MYO3A: variants seen among roughly 807,000 people sequenced by gnomAD.
The protein encoded by MYO3A is myosin IIIA, also known as myosin-IIIa.
Under a neutral mutation model 192.7 loss-of-function variants are expected in MYO3A, and 180 were observed. The ratio of observed to expected loss-of-function variants is 0.93; its 90% confidence interval spans 0.83 to 1.06. The LOEUF (loss-of-function observed/expected upper bound fraction) is 1.06. Ranked by LOEUF, MYO3A falls within the 50% of genes least tolerant of loss-of-function variation. MYO3A has a pLI of 0.00. For synonymous variants in MYO3A, 628 were observed against 645.3 expected, an observed-to-expected ratio of 0.97 and a Z score of 0.41; for missense variants, 1,896 against 1,905.0, an observed-to-expected ratio of 1.00 and a Z score of 0.09.
chr10:26,160,838 C>T (rs1312428236), intron 26 of MYO3A, among the ~76,000 whole-genome samples: 21 of 152,010 alleles, frequency 1.4e-4, no homozygotes, highest in Admixed American at 1.4e-3. Context: ...TATGAAAAAA[C>T]AATTGTGTTA....
chr10:26,128,371 T>C lies in MYO3A; in HGVS notation c.2115-20T>C. 1 of 1,609,808 alleles carries C rather than the reference T, an allele frequency of 6.2e-7. No homozygotes were observed. The highest frequency in any genetic ancestry group is 8.5e-7 in the Non-Finnish European group (1 of 1,176,368). ...CTCTTCAGGAAATAACTCAAAATAATGCCTCTTCAATTCTTCTAGTGGGAA... is the reference window on the plus strand; with the variant it reads ...CTCTTCAGGAAATAACTCAAAATAACGCCTCTTCAATTCTTCTAGTGGGAA... On this transcript the variant is annotated intron_variant, in intron 19 of 34. Transcript: ENST00000642920.
chr10:26,093,380 A>G (rs747944451), intron 15 of MYO3A, among the ~76,000 whole-genome samples: 1 of 152,236 alleles, frequency 6.6e-6, no homozygotes, highest in Admixed American at 6.5e-5. Flanking sequence ...GTGAGAAAAG[A>G]CAAGAACTAA....
At chr10:26,010,450 GTTTTTTTTT>G (rs778349166) in intron 6 of MYO3A, among the ~76,000 whole-genome samples, 244 of 111,240 alleles carry the variant, frequency 2.2e-3, no homozygotes, top group South Asian at 3.7e-3. Flanking sequence ...CTAAGTAGTT[GTTTTTTTTT>G]TTTTTTTTTT....
intron 10 of MYO3A, among the ~76,000 whole-genome samples, chr10:26,041,622 C>T (rs1460995746): frequency 6.6e-6 from 1 of 152,040 alleles, no homozygotes; most frequent in Admixed American, 6.6e-5. Flanking sequence ...CACCACAAGG[C>T]TTGCACATAC....
chr10:26,154,777 G>C lies in MYO3A; in HGVS notation c.2747G>C (p.Arg916Thr), dbSNP rs1200402861. Reference protein sequence around the residue: ...GDTGEATRHARETTNMKTQTV... With the variant: ...GDTGEATRHATETTNMKTQTV... ...ACTGGAGAAGCCACACGTCATGCCA[G>C]AGAGACAACCAACATGAAAACACAA... is the stretch of plus-strand genomic sequence containing the variant. Residue 916 changes from arginine (R) to threonine (T), a missense_variant, in exon 25 of 35, where the codon AGA becomes ACA. Physicochemically the swap from Arg to Thr is moderately conservative, Grantham distance 71. Coordinates refer to ENST00000642920, the MANE Select transcript of MYO3A (RefSeq NM_017433.5). 6.2e-7 allele frequency: 1 copy of C among 1,613,768 alleles called. No homozygotes were observed. Among genetic ancestry groups the C allele is most frequent in the East Asian group, 2.2e-5 (1 of 44,844 alleles).
intron 4 of MYO3A, among the ~76,000 whole-genome samples, chr10:25,957,367 C>A (rs1285406127): frequency 1.3e-5 from 2 of 152,180 alleles, no homozygotes; most frequent in African/African-American, 4.8e-5. Flanking sequence ...ACTTGCTCCC[C>A]ATTGCCTTCC....
At chr10:26,115,318 T>C (rs1482242625) in intron 17 of MYO3A, among the ~76,000 whole-genome samples, 1 of 152,132 alleles carries the variant, frequency 6.6e-6, no homozygotes, top group Non-Finnish European at 1.5e-5. Flanking sequence ...TGCTTTTGAG[T>C]CTAGGTATGA....
chr10:26,046,490 C>T (rs1390331467), intron 10 of MYO3A, among the ~76,000 whole-genome samples: 1 of 152,226 alleles, frequency 6.6e-6, no homozygotes. Flanking sequence ...CACATCAGTG[C>T]CCTCACCCTG....
At chr10:26,000,204 C>A (rs1468285904) in intron 6 of MYO3A, among the ~76,000 whole-genome samples, 1 of 152,198 alleles carries the variant, frequency 6.6e-6, no homozygotes, top group Non-Finnish European at 1.5e-5. Context: ...TGGTGCTAAT[C>A]AGGTACCCTC....
At chr10:26,126,835 T>C (rs1839247278) in intron 19 of MYO3A, among the ~76,000 whole-genome samples, 1 of 152,184 alleles carries the variant, frequency 6.6e-6, no homozygotes, top group Non-Finnish European at 1.5e-5. Flanking sequence ...ATGGCAACTT[T>C]CCTTTCCATT....
At chr10:26,172,360 C>T (rs986656184) in intron 29 of MYO3A, among the ~76,000 whole-genome samples, 2 of 152,206 alleles carry the variant, frequency 1.3e-5, no homozygotes, top group South Asian at 2.1e-4. Flanking sequence ...CAGAAGAGAT[C>T]GCCAGTCCTC....
At position 25,960,603 on chromosome 10, in the gene MYO3A, T is replaced by C. The variant is rs1182174174; in HGVS notation, c.303+5595T>C. Among the ~76,000 whole-genome samples, 3 of 152,180 alleles carry C rather than the reference T, an allele frequency of 2.0e-5. No homozygotes were observed. The East Asian group carries it at 5.8e-4, about 29-fold the overall frequency. ...TAAGCTATAGAAAAGAAAATGTTAT[T>C]AAGAAAATCATGAGGAAGAGCAAAT... On this transcript the variant is annotated intron_variant, in intron 4 of 34. Coordinates refer to ENST00000642920, the MANE Select transcript of MYO3A (RefSeq NM_017433.5).
intron 10 of MYO3A, among the ~76,000 whole-genome samples, chr10:26,065,585 CAAAAAAAAAAA>C (rs33982842): frequency 5.2e-4 from 12 of 23,262 alleles, no homozygotes; most frequent in South Asian, 2.0e-3. Context: ...ACTCCATCTC[CAAAAAAAAAAA>C]AAAAAAAAAA....
chr10:26,059,089 G>A (rs1834306078), intron 10 of MYO3A, among the ~76,000 whole-genome samples: 1 of 152,102 alleles, frequency 6.6e-6, no homozygotes, highest in Admixed American at 6.5e-5. Context: ...TTTTTATGCT[G>A]ACTCTTTCAG....
At chr10:26,001,023 A>G (rs183657000) in intron 6 of MYO3A, among the ~76,000 whole-genome samples, 4 of 152,180 alleles carry the variant, frequency 2.6e-5, no homozygotes. Flanking sequence ...TCTCGTGAGA[A>G]CTCACTATCA....
At chr10:26,078,480 G>GT (rs1405635722) in intron 14 of MYO3A, among the ~76,000 whole-genome samples, 1 of 151,540 alleles carries the variant, frequency 6.6e-6, no homozygotes, top group Non-Finnish European at 1.5e-5. Flanking sequence ...CTTTTGTGGG[G>GT]TTTTTTGTTT....
chr10:25,990,238 G>C (rs115186700), intron 4 of MYO3A, among the ~76,000 whole-genome samples: 1,641 of 152,154 alleles, frequency 0.011, 25 homozygotes, highest in African/African-American at 0.036. Context: ...GCCAAAGTAT[G>C]TACGGGTACA....
intron 25 of MYO3A, 107 bp from the exon 26 acceptor site, chr10:26,157,203 A>G (rs1383428229): frequency 3.0e-6 from 3 of 1,013,268 alleles, no homozygotes; most frequent in East Asian, 5.1e-5. Context: ...GGGAGCATTT[A>G]TAACATTCAT....
In MYO3A at chr10:25,954,801, AT is replaced by A. The variant is rs559902135; in HGVS notation, c.169-71del. 129 of 1,457,892 alleles carry A rather than the reference AT, an allele frequency of 8.8e-5. No homozygotes were observed. In the African/African-American group the frequency reaches 1.7e-3, roughly 19 times the overall value. The allele number at this position is 1,457,892 out of a possible 1,614,324, so 90.3% of individuals were successfully genotyped here. A position where few individuals can be genotyped will look rare whatever the true frequency, so the allele number is the denominator to read the frequency against. On this transcript the variant is annotated intron_variant, in intron 3 of 34. Coordinates refer to ENST00000642920, the MANE Select transcript of MYO3A (RefSeq NM_017433.5). ...GACATAATGAAATTCTGTATTTGGT[AT>A]TCTATAATCTGTTTCTTTGACATTA...
Sources: allele counts gnomAD v4.1 joint callset (sites outside exome capture counted in the v4.1 genomes callset), GRCh38; gene constraint gnomAD v4.1.1; transcripts MANE v1.5; gene names NCBI Gene and HGNC (gene_info 2026-07-23, HGNC 2026-07-21).